PKNOX2: variants seen among roughly 807,000 people sequenced by gnomAD.
PKNOX2 encodes the protein PBX/knotted 1 homeobox 2.
In PKNOX2, 14 loss-of-function variants were observed where a neutral mutation model predicts 53.1. The observed-to-expected ratio is 0.26, with a 90% CI of 0.17 to 0.41. The LOEUF (loss-of-function observed/expected upper bound fraction) is 0.41, where lower values mean the gene tolerates loss of function less well. PKNOX2 is among the 10% of genes least tolerant of loss of function. The probability of loss-of-function intolerance (pLI) is 1.00; values close to 1 mark genes in which losing one functional copy is unlikely to be tolerated. For synonymous variants in PKNOX2, 257 were observed against 242.8 expected (o/e 1.06, Z -0.54); for missense variants, 496 against 602.8 (o/e 0.82, Z 1.85).
intron 4 of PKNOX2, among the ~76,000 whole-genome samples, chr11:125,353,182 C>A (rs55720396): frequency 0.094 from 14,306 of 152,252 alleles, 870 homozygotes; most frequent in Non-Finnish European, 0.14. Context: ...GATGGAGACC[C>A]TTCCTGTATT....
intron 3 of PKNOX2, among the ~76,000 whole-genome samples, chr11:125,340,972 C>T (rs1308076265): frequency 6.7e-6 from 1 of 149,620 alleles, no homozygotes; most frequent in Non-Finnish European, 1.5e-5. Flanking sequence ...ATCGCTTGAA[C>T]CCGGAAGGCA....
At chr11:125,176,498 G>A (rs939673438) in intron 1 of PKNOX2, among the ~76,000 whole-genome samples, 5 of 152,204 alleles carry the variant, frequency 3.3e-5, no homozygotes, top group South Asian at 2.1e-4. Context: ...AGGAAGCCGT[G>A]AGGGCCTCAA....
intron 2 of PKNOX2, among the ~76,000 whole-genome samples, chr11:125,302,397 G>A (rs1948138362): frequency 1.3e-5 from 2 of 152,174 alleles, no homozygotes; most frequent in Admixed American, 6.5e-5. Flanking sequence ...GATCTGCTAT[G>A]CACACTCTCC....
intron 4 of PKNOX2, among the ~76,000 whole-genome samples, chr11:125,360,974 C>T (rs1226352936): frequency 6.6e-6 from 1 of 152,180 alleles, no homozygotes; most frequent in Non-Finnish European, 1.5e-5. Context: ...CGTGCTCTGT[C>T]CCATTGTTTC....
At chr11:125,212,443 G>A (rs1419102584) in intron 1 of PKNOX2, among the ~76,000 whole-genome samples, 3 of 142,510 alleles carry the variant, frequency 2.1e-5, no homozygotes, top group Non-Finnish European at 4.5e-5. Flanking sequence ...AGAATAGGAG[G>A]GGATTCTTTT....
intron 2 of PKNOX2, among the ~76,000 whole-genome samples, chr11:125,327,438 G>A (rs899419716): frequency 4.6e-5 from 7 of 152,174 alleles, no homozygotes; most frequent in Non-Finnish European, 5.9e-5. Context: ...ACACAGCCCC[G>A]TGTCTTCCCA....
chr11:125,211,488 C>T (rs1485421296), intron 1 of PKNOX2, among the ~76,000 whole-genome samples: 1 of 152,076 alleles, frequency 6.6e-6, no homozygotes, highest in African/African-American at 2.4e-5. Flanking sequence ...CTATATAATA[C>T]AATGTAAACT....
chr11:125,273,399 G>C (rs181609531), intron 2 of PKNOX2, among the ~76,000 whole-genome samples: 6 of 152,198 alleles, frequency 3.9e-5, no homozygotes, highest in Admixed American at 6.5e-5. Flanking sequence ...AAGGTGGACC[G>C]AGGGGCAGGA....
Position 125,432,586 on chromosome 11 carries a change from G to C in PKNOX2, c.*1194G>C, listed in dbSNP as rs2135717137. 6.5e-6 allele frequency: 1 copy of C among 152,814 alleles called. No homozygotes were observed. Among genetic ancestry groups the C allele is most frequent in the African/African-American group, 2.4e-5 (1 of 41,570 alleles). 9.5% of individuals were successfully genotyped at this position (152,814 alleles called of 1,614,324 possible). On this transcript the variant is annotated 3_prime_UTR_variant, in exon 13 of 13. Transcript: ENST00000298282. ...ATGCCCATCCCACACACCCCACCCA[G>C]CTGTTCTAACCCTGCTATCCACAGC...
At chr11:125,216,634 G>A (rs1473881751) in intron 1 of PKNOX2, among the ~76,000 whole-genome samples, 4 of 152,144 alleles carry the variant, frequency 2.6e-5, no homozygotes, top group African/African-American at 4.8e-5. Context: ...AGAGACACCC[G>A]GGCAGAGGTG....
At chr11:125,345,848 G>T (rs1012501646) in intron 3 of PKNOX2, among the ~76,000 whole-genome samples, 1 of 152,114 alleles carries the variant, frequency 6.6e-6, no homozygotes, top group African/African-American at 2.4e-5. Context: ...ATCCCAAGCT[G>T]CAAATCCTAA....
At chr11:125,218,692 A>C (rs556606615) in intron 1 of PKNOX2, among the ~76,000 whole-genome samples, 1 of 152,166 alleles carries the variant, frequency 6.6e-6, no homozygotes, top group African/African-American at 2.4e-5. Flanking sequence ...CCTGAGCAGC[A>C]GTGCGCATGG....
At chr11:125,286,044 A>T (rs1394837928) in intron 2 of PKNOX2, among the ~76,000 whole-genome samples, 3 of 152,198 alleles carry the variant, frequency 2.0e-5, no homozygotes, top group African/African-American at 7.2e-5. Context: ...CCTGGTGTGT[A>T]GGGCGTAAGT....
chr11:125,412,222 T>C (rs1037351226), intron 10 of PKNOX2, among the ~76,000 whole-genome samples: 1 of 151,966 alleles, frequency 6.6e-6, no homozygotes, highest in African/African-American at 2.4e-5. Context: ...TCCAGAGCCC[T>C]CCCCCTGCCG....
chr11:125,430,135 C>T lies in PKNOX2; in HGVS notation c.1186C>T (p.Pro396Ser), dbSNP rs1463991065. Residue 396 changes from proline (P) to serine (S), a missense_variant, in exon 12 of 13, where the codon CCC becomes TCC. By Grantham distance (74) the Pro-to-Ser change is moderately conservative. This residue lies in a region of PKNOX2 where 139 missense variants were observed against 161.3 expected (regional missense o/e 0.86). Coordinates refer to ENST00000298282, the MANE Select transcript of PKNOX2 (RefSeq NM_001382323.2). ...QQQGGAPGTN[P>S]DGSINLDNLQ... The stretch of plus-strand genomic sequence containing the variant: ...GCAGGGCGGTGCCCCAGGGACAAAC[C>T]CCGATGGTAAGAACTGGGGCTGAGT... The T allele has an allele frequency of 1.2e-6, 2 of 1,613,684 alleles. No homozygotes were observed. The highest frequency in any genetic ancestry group is 1.7e-5 in the Admixed American group (1 of 59,964).
intron 2 of PKNOX2, chr11:125,258,606 G>A (rs2135717619): frequency 6.3e-6 from 1 of 159,438 alleles, no homozygotes; most frequent in Middle Eastern, 5.3e-4. Context: ...GTTTTAATGA[G>A]CATTATAAAT....
chr11:125,382,797 T>G (rs1953340615), intron 5 of PKNOX2, among the ~76,000 whole-genome samples: 1 of 152,252 alleles, frequency 6.6e-6, no homozygotes, highest in Admixed American at 6.5e-5. Context: ...GTTTAACCCC[T>G]TCACCTGGTT....
At chr11:125,351,218 G>A in intron 3 of PKNOX2, 66 bp from the exon 4 acceptor site, 1 of 768,608 alleles carries the variant, frequency 1.3e-6, no homozygotes, top group East Asian at 2.7e-5. Flanking sequence ...ACAGGGAGCT[G>A]CTGGGTGCCC....
At chr11:125,386,477 C>T (rs1953639051) in intron 6 of PKNOX2, among the ~76,000 whole-genome samples, 1 of 152,092 alleles carries the variant, frequency 6.6e-6, no homozygotes. Context: ...AGAGAGGTTT[C>T]TCTGTTTGTC....
Sources: allele counts gnomAD v4.1 joint callset (sites outside exome capture counted in the v4.1 genomes callset), GRCh38; gene constraint gnomAD v4.1.1; regional missense constraint gnomAD v4.1.1; transcripts MANE v1.5; gene names NCBI Gene and HGNC (gene_info 2026-07-23, HGNC 2026-07-21).